SATL1: variants seen among roughly 807,000 people sequenced by gnomAD.
The protein encoded by SATL1 is spermidine/spermine N1-acetyl transferase like 1.
In SATL1, 47 loss-of-function variants were observed where a neutral mutation model predicts 51.8. That is an observed-to-expected ratio of 0.91 (90% confidence interval 0.72 to 1.16). The LOEUF (loss-of-function observed/expected upper bound fraction) is 1.16. Among genes scored for constraint, SATL1 ranks in the 50% most tolerant of loss-of-function variants. The pLI is 0.00. For synonymous variants in SATL1, 176 were observed against 182.4 expected (o/e 0.97, Z 0.28); for missense variants, 520 against 526.4 (o/e 0.99, Z 0.12).
At chrX:85,187,856 C>T (rs951549870) in intron 2 of SATL1, among the ~76,000 whole-genome samples, 1 of 110,220 alleles carries the variant, frequency 9.1e-6, no homozygotes, top group Admixed American at 9.7e-5. Flanking sequence ...AGGAAGAGTT[C>T]TTGCCTTTTA....
intron 4 of SATL1, among the ~76,000 whole-genome samples, chrX:85,101,186 A>C (rs929599374): frequency 1.8e-5 from 2 of 112,528 alleles, no homozygotes; most frequent in Non-Finnish European, 3.8e-5. Flanking sequence ...CAAAAGAATG[A>C]ATAAATTGGA....
intron 2 of SATL1, among the ~76,000 whole-genome samples, chrX:85,127,549 C>G (rs1236545113): frequency 9.0e-6 from 1 of 111,603 alleles, no homozygotes; most frequent in East Asian, 2.8e-4. Flanking sequence ...TGATCTAATT[C>G]TCTTAACTTG....
At chrX:85,187,649 C>T (rs1012493961) in intron 2 of SATL1, among the ~76,000 whole-genome samples, 1 of 111,726 alleles carries the variant, frequency 9.0e-6, no homozygotes, top group African/African-American at 3.3e-5. Flanking sequence ...GAACCATCCT[C>T]ACACTCCTGG....
chrX:85,125,712 C>T (rs1925610433), intron 2 of SATL1, among the ~76,000 whole-genome samples: 2 of 106,032 alleles, frequency 1.9e-5, no homozygotes, highest in Non-Finnish European at 1.9e-5. Context: ...ATACTATTCA[C>T]TGTATAGATA....
chrX:85,114,786 C>A (rs1427740816), intron 2 of SATL1, among the ~76,000 whole-genome samples: 1 of 112,180 alleles, frequency 8.9e-6, no homozygotes, highest in Non-Finnish European at 1.9e-5. Flanking sequence ...GATGTCAAAC[C>A]CAGTTCTTAA....
intron 2 of SATL1, among the ~76,000 whole-genome samples, chrX:85,189,506 G>A (rs1176513566): frequency 2.7e-5 from 3 of 112,087 alleles, no homozygotes; most frequent in African/African-American, 6.5e-5. Context: ...AGACTTAAAC[G>A]TAATCACATA....
At chrX:85,239,900 G>A in intron 1 of SATL1, among the ~76,000 whole-genome samples, 1 of 109,220 alleles carries the variant, frequency 9.2e-6, no homozygotes, top group African/African-American at 3.3e-5. Flanking sequence ...AACTTTTAGG[G>A]GAAAAAAAAC....
chrX:85,142,036 A>C (rs369313291), intron 2 of SATL1, among the ~76,000 whole-genome samples: 41 of 103,430 alleles, frequency 4.0e-4, no homozygotes, highest in African/African-American at 1.3e-3. Flanking sequence ...CTTTGGCACC[A>C]ACCTAATAAT....
intron 2 of SATL1, among the ~76,000 whole-genome samples, chrX:85,150,168 C>A (rs771318069): frequency 9.0e-6 from 1 of 111,598 alleles, no homozygotes; most frequent in Admixed American, 9.5e-5. Flanking sequence ...AAACTACCAT[C>A]AGAGAATACT....
intron 2 of SATL1, among the ~76,000 whole-genome samples, chrX:85,220,062 C>A (rs749304073): frequency 2.7e-5 from 3 of 109,376 alleles, no homozygotes; most frequent in Admixed American, 1.9e-4. Flanking sequence ...AACTCCCCAG[C>A]AGCAGTGTGG....
intron 2 of SATL1, among the ~76,000 whole-genome samples, chrX:85,122,045 T>A (rs1925521399): frequency 3.7e-5 from 4 of 108,734 alleles, no homozygotes; most frequent in Admixed American, 2.0e-4. Flanking sequence ...AACCCTCAAC[T>A]CTTTAGACAT....
intron 2 of SATL1, among the ~76,000 whole-genome samples, chrX:85,148,942 C>T (rs1357558761): frequency 9.0e-6 from 1 of 110,693 alleles, no homozygotes; most frequent in Non-Finnish European, 1.9e-5. Context: ...ATCATAATGA[C>T]AGGATCAAAT....
chrX:85,112,899 T>A (rs1264181396), intron 2 of SATL1, among the ~76,000 whole-genome samples: 1 of 111,837 alleles, frequency 8.9e-6, no homozygotes. Flanking sequence ...CCTGCCCTGC[T>A]CATGTCTGCC....
chrX:85,112,227 C>T (rs1258540601), intron 2 of SATL1, among the ~76,000 whole-genome samples: 1 of 110,749 alleles, frequency 9.0e-6, no homozygotes, highest in Non-Finnish European at 1.9e-5. Flanking sequence ...TGGTGGGTGC[C>T]TGTAATCCCA....
intron 3 of SATL1, among the ~76,000 whole-genome samples, chrX:85,105,510 G>A (rs1254127656): frequency 9.0e-6 from 1 of 111,637 alleles, no homozygotes; most frequent in Non-Finnish European, 1.9e-5. Flanking sequence ...CACACTTTAA[G>A]GACCACCACA....
chrX:85,106,225 AT>A (rs1184962781), intron 3 of SATL1, among the ~76,000 whole-genome samples: 2 of 112,041 alleles, frequency 1.8e-5, no homozygotes, highest in Non-Finnish European at 3.8e-5. Flanking sequence ...TTGATAGGTT[AT>A]CTAATCATTC....
chrX:85,093,816 A>C (rs1405595810), intron 6 of SATL1, among the ~76,000 whole-genome samples: 1 of 112,255 alleles, frequency 8.9e-6, no homozygotes, highest in African/African-American at 3.2e-5. Context: ...ATGAGTCGTG[A>C]TCACACCACT....
chrX:85,101,973 T>G (rs1455867174), intron 4 of SATL1, among the ~76,000 whole-genome samples: 1 of 109,564 alleles, frequency 9.1e-6, no homozygotes, highest in East Asian at 2.8e-4. Context: ...ATAGACAAAT[T>G]TGTAGAGATA....
intron 2 of SATL1, chrX:85,207,587 T>C (rs1164792368): frequency 9.0e-6 from 1 of 111,719 alleles, no homozygotes; most frequent in Admixed American, 9.5e-5. Flanking sequence ...TTCACATGAC[T>C]TCATATTTAT....
Sources: gnomAD v4.1 joint callset for allele counts (sites outside exome capture counted in the v4.1 genomes callset) on GRCh38, gnomAD v4.1.1 for gene constraint, MANE v1.5 for transcripts, NCBI Gene and HGNC (gene_info 2026-07-23, HGNC 2026-07-21) for gene names.